PRSS12: variants seen among roughly 807,000 people sequenced by gnomAD.
PRSS12 encodes the protein neurotrypsin.
A neutral mutation model predicts 104.4 loss-of-function variants in PRSS12; 85 were observed. That is an observed-to-expected ratio of 0.81 (90% confidence interval 0.68 to 0.98). The LOEUF (loss-of-function observed/expected upper bound fraction) is 0.98, where lower values mean the gene tolerates loss of function less well. Among genes scored for constraint, PRSS12 ranks in the 50% least tolerant of loss-of-function variants. The pLI is 0.00. For missense variants in PRSS12, 1,141 were observed against 1,139.2 expected (o/e 1.00, Z -0.02); for synonymous variants, 454 against 425.2 (o/e 1.07, Z -0.83).
intron 1 of PRSS12, among the ~76,000 whole-genome samples, 165 bp downstream of exon 1, chr4:118,352,054 A>G (rs1358953808): frequency 1.3e-5 from 2 of 152,104 alleles, no homozygotes; most frequent in Non-Finnish European, 2.9e-5. Flanking sequence ...CAGCACCAGT[A>G]TACCTTACTG....
chr4:118,339,333 A>G (rs1724142149), intron 1 of PRSS12, among the ~76,000 whole-genome samples: 1 of 152,208 alleles, frequency 6.6e-6, no homozygotes, highest in Admixed American at 6.5e-5. Flanking sequence ...AATCCTACCC[A>G]AAAAATCTAG....
At chr4:118,312,359 T>C (rs1035861765) in intron 7 of PRSS12, among the ~76,000 whole-genome samples, 4 of 150,366 alleles carry the variant, frequency 2.7e-5, no homozygotes, top group Admixed American at 6.6e-5. Context: ...TTCATACACA[T>C]ACACACACAC....
chr4:118,314,215 A>G (rs1051831274), intron 6 of PRSS12, among the ~76,000 whole-genome samples: 1 of 152,030 alleles, frequency 6.6e-6, no homozygotes, highest in African/African-American at 2.4e-5. Context: ...ACAAGATTCA[A>G]CTCTTACTCA....
At chr4:118,311,468 A>C (rs1743725919) in intron 7 of PRSS12, among the ~76,000 whole-genome samples, 1 of 152,140 alleles carries the variant, frequency 6.6e-6, no homozygotes, top group South Asian at 2.1e-4. Flanking sequence ...TGTTTCCTAA[A>C]TGCTGTTATT....
At chr4:118,308,380 T>C in intron 8 of PRSS12, 56 bp downstream of exon 8, 1 of 1,607,386 alleles carries the variant, frequency 6.2e-7, no homozygotes, top group Non-Finnish European at 8.5e-7. Context: ...GATTAAGCAT[T>C]TAAAAATTCA....
chr4:118,304,574 CA>C lies in PRSS12; in HGVS notation c.1631+3861del, dbSNP rs139687784. On this transcript the variant is annotated intron_variant, in intron 8 of 12. Transcript: ENST00000296498. Reference sequence around the variant, plus strand: ...GGATTAATACGCTAACAAACATGTTCAAAAACAATGCTATATTGGAACATAT... The same window carrying C: ...GGATTAATACGCTAACAAACATGTTCAAAACAATGCTATATTGGAACATAT... 6.7e-3 allele frequency among the ~76,000 whole-genome samples: 1,025 copies of C among 151,876 alleles called. 12 individuals are homozygous for C. Among genetic ancestry groups the C allele is most frequent in the African/African-American group, 0.023 (943 of 41,486 alleles).
At chr4:118,323,178 A>G (rs756314703) in intron 4 of PRSS12, among the ~76,000 whole-genome samples, 1 of 152,078 alleles carries the variant, frequency 6.6e-6, no homozygotes, top group Non-Finnish European at 1.5e-5. Flanking sequence ...TGACTTAGAG[A>G]ACACTGAGAG....
At chr4:118,308,359 G>GT (rs1381303675) in intron 8 of PRSS12, 77 bp downstream of exon 8, 1 of 1,574,548 alleles carries the variant, frequency 6.4e-7, no homozygotes, top group Non-Finnish European at 8.7e-7. Context: ...TAAGTAAAAA[G>GT]TAACTCATTA....
At chr4:118,284,636 G>A (rs1742973504) in intron 11 of PRSS12, among the ~76,000 whole-genome samples, 1 of 152,020 alleles carries the variant, frequency 6.6e-6, no homozygotes, top group African/African-American at 2.4e-5. Flanking sequence ...CAAACCCATT[G>A]GACTTCTATC....
intron 6 of PRSS12, among the ~76,000 whole-genome samples, chr4:118,314,827 AAAATAG>A (rs911904675): frequency 1.3e-5 from 2 of 152,236 alleles, no homozygotes; most frequent in African/African-American, 4.8e-5. Context: ...AAAAATATGA[AAAATAG>A]AAATAACAGG....
At position 118,330,846 on chromosome 4, in the gene PRSS12, A is replaced by T. The variant is rs186773250; in HGVS notation, c.971+870T>A. 5.9e-5 allele frequency among the ~76,000 whole-genome samples: 9 copies of T among 152,292 alleles called. No individual in the cohort carries two copies. In the East Asian group the frequency reaches 1.7e-3, roughly 29 times the overall value. On this transcript the variant is annotated intron_variant, in intron 4 of 12. Transcript: ENST00000296498. ...TAACATAGAATTTTGAAAGAGAGCCAATTATTTTTAAAAATTACAAAAAAA... is the reference window on the plus strand; with the variant it reads ...TAACATAGAATTTTGAAAGAGAGCCTATTATTTTTAAAAATTACAAAAAAA...
At chr4:118,301,780 T>C (rs1338135318) in intron 8 of PRSS12, among the ~76,000 whole-genome samples, 2 of 152,200 alleles carry the variant, frequency 1.3e-5, no homozygotes, top group Non-Finnish European at 2.9e-5. Flanking sequence ...AGGCAGACGA[T>C]TGCCTTTTAA....
At chr4:118,298,556 C>A (rs1184945012) in intron 9 of PRSS12, among the ~76,000 whole-genome samples, 177 bp downstream of exon 9, 1 of 152,184 alleles carries the variant, frequency 6.6e-6, no homozygotes, top group Non-Finnish European at 1.5e-5. Flanking sequence ...CCTTGTTCTG[C>A]CTGTCAGCCC....
At position 118,311,075 on chromosome 4, in the gene PRSS12, A is replaced by T. The variant is rs147318975; in HGVS notation, c.1489+2126T>A. Among the ~76,000 whole-genome samples the T allele has an allele frequency of 8.4e-3, 1,277 of 152,194 alleles. 18 individuals are homozygous for T. The highest frequency in any genetic ancestry group is 0.028 in the African/African-American group (1,175 of 41,510). On this transcript the variant is annotated intron_variant, in intron 7 of 12. Coordinates refer to ENST00000296498, the MANE Select transcript of PRSS12 (RefSeq NM_003619.4). ...CAATTAATTAATTAATTAATTAATT[A>T]AATTAAGCCTAATTTTATACTGTAA... is the stretch of plus-strand genomic sequence containing the variant.
At chr4:118,305,010 C>T (rs1743506656) in intron 8 of PRSS12, among the ~76,000 whole-genome samples, 1 of 151,412 alleles carries the variant, frequency 6.6e-6, no homozygotes, top group South Asian at 2.1e-4. Flanking sequence ...TTGATTTCTA[C>T]AAATAAGTCC....
chr4:118,352,785 A>C lies in PRSS12; in HGVS notation c.-65T>G. 8 of 1,105,018 alleles carry C rather than the reference A, an allele frequency of 7.2e-6. No homozygotes were observed. The highest frequency in any genetic ancestry group is 1.7e-5 in the African/African-American group (1 of 60,020). The allele number at this position is 1,105,018 out of a possible 1,614,324, so 68.5% of individuals were successfully genotyped here. Reference sequence around the variant, plus strand: ...TCTCGGGCTTGGAGCGGAGAAGAGGAGGGGGCGGGGGCGGGGCTGCCGCGT... The same window carrying C: ...TCTCGGGCTTGGAGCGGAGAAGAGGCGGGGGCGGGGGCGGGGCTGCCGCGT... On this transcript the variant is annotated 5_prime_UTR_variant, in exon 1 of 13. Coordinates refer to ENST00000296498, the MANE Select transcript of PRSS12 (RefSeq NM_003619.4).
chr4:118,325,198 T>A (rs1304869286), intron 4 of PRSS12, among the ~76,000 whole-genome samples: 2 of 151,800 alleles, frequency 1.3e-5, no homozygotes, highest in East Asian at 1.9e-4. Context: ...TGAACACACA[T>A]GGACATAAAT....
chr4:118,338,011 A>T (rs189311625), intron 2 of PRSS12, among the ~76,000 whole-genome samples, 165 bp downstream of exon 2: 1 of 152,170 alleles, frequency 6.6e-6, no homozygotes, highest in East Asian at 1.9e-4. Flanking sequence ...GAGAGAATTC[A>T]TTTCTTCCAT....
At chr4:118,286,274 G>C (rs1046789727) in intron 11 of PRSS12, among the ~76,000 whole-genome samples, 5 of 152,134 alleles carry the variant, frequency 3.3e-5, no homozygotes, top group Admixed American at 2.6e-4. Context: ...TCTAAGAACT[G>C]GTCCTTGTTC....
Sources: allele counts gnomAD v4.1 joint callset (sites outside exome capture counted in the v4.1 genomes callset), GRCh38; gene constraint gnomAD v4.1.1; transcripts MANE v1.5; gene names NCBI Gene and HGNC (gene_info 2026-07-23, HGNC 2026-07-21).